DLG3: variants seen among roughly 807,000 people sequenced by gnomAD.
The protein encoded by DLG3 is disks large homolog 3.
A neutral mutation model predicts 64.1 loss-of-function variants in DLG3; 1 was observed. The observed-to-expected ratio is 0.02, with a 90% CI of 0.01 to 0.07. The LOEUF is 0.07. DLG3 is among the 10% of genes least tolerant of loss of function. DLG3 has a pLI of 1.00. For synonymous variants in DLG3, 245 were observed against 259.8 expected (o/e 0.94, Z 0.55); for missense variants, 429 against 669.5 (o/e 0.64, Z 3.96).
At chrX:70,474,863 A>C (rs1011645305) in intron 9 of DLG3, among the ~76,000 whole-genome samples, 21 of 112,494 alleles carry the variant, frequency 1.9e-4, no homozygotes, top group Non-Finnish European at 3.2e-4. Context: ...TTCTGCCTCC[A>C]CTTCAGAAAC....
intron 9 of DLG3, 60 bp downstream of exon 9, chrX:70,454,376 G>A: frequency 1.9e-6 from 2 of 1,043,192 alleles, no homozygotes; most frequent in Non-Finnish European, 2.7e-6. Flanking sequence ...ATTATGTGTT[G>A]GCTTTTTGCC....
chrX:70,484,911 G>T (rs1182804138), intron 10 of DLG3, among the ~76,000 whole-genome samples: 1 of 112,035 alleles, frequency 8.9e-6, no homozygotes, highest in Non-Finnish European at 1.9e-5. Context: ...GCCTGTCTGA[G>T]TGCTCGGGTT....
At chrX:70,500,615 C>T in intron 17 of DLG3, 35 bp downstream of exon 17, 3 of 1,059,148 alleles carry the variant, frequency 2.8e-6, no homozygotes, top group Non-Finnish European at 4.0e-6. Flanking sequence ...ACACACCAAG[C>T]TAAGATCGGG....
chrX:70,449,286 G>A, intron 2 of DLG3, 73 bp from the exon 3 acceptor site: 1 of 1,185,761 alleles, frequency 8.4e-7, no homozygotes, highest in Non-Finnish European at 1.1e-6. Flanking sequence ...GATATAAGGG[G>A]AGATGAGGTA....
chrX:70,466,627 AGG>A (rs2086892607), intron 9 of DLG3, among the ~76,000 whole-genome samples: 1 of 109,380 alleles, frequency 9.1e-6, no homozygotes, highest in African/African-American at 3.3e-5. Context: ...TTTAGTAGAG[AGG>A]GGGTTTCACC....
At chrX:70,452,682 G>C in intron 7 of DLG3, 1 of 1,202,722 alleles carries the variant, frequency 8.3e-7, no homozygotes, top group African/African-American at 1.7e-5. Context: ...CTCCGCCTCC[G>C]CTTCGGCCTG....
chrX:70,490,023 C>T (rs769583833), intron 10 of DLG3, among the ~76,000 whole-genome samples: 3 of 110,400 alleles, frequency 2.7e-5, no homozygotes, highest in South Asian at 7.9e-4. Context: ...CTACCATGCC[C>T]GGCCAATTTT....
intron 12 of DLG3, among the ~76,000 whole-genome samples, chrX:70,494,070 G>T (rs750674112): frequency 3.6e-5 from 4 of 112,287 alleles, no homozygotes; most frequent in Admixed American, 2.8e-4. Context: ...TTTCCCAGGA[G>T]AATCCTTCCT....
chrX:70,454,883 T>A lies in DLG3; in HGVS notation c.1405+567T>A, dbSNP rs1006502779. ...CCTTCTTTGTATTCTCAGTGAGCAG[T>A]CCTTGGCTGGGGCGAATGGGCGGGG... On this transcript the variant is annotated intron_variant, in intron 9 of 18. Coordinates refer to ENST00000374360, the MANE Select transcript of DLG3 (RefSeq NM_021120.4). Among the ~76,000 whole-genome samples, 4 of 112,956 alleles carry A rather than the reference T, an allele frequency of 3.5e-5. No individual in the cohort carries two copies. The East Asian group carries it at 1.1e-3, about 32-fold the overall frequency.
chrX:70,493,748 C>T (rs886389692), intron 12 of DLG3, among the ~76,000 whole-genome samples: 1 of 112,952 alleles, frequency 8.9e-6, no homozygotes, highest in African/African-American at 3.2e-5. Context: ...GTGCCTGGCA[C>T]TAGCAGTGGA....
intron 9 of DLG3, among the ~76,000 whole-genome samples, chrX:70,475,154 A>AC (rs745725403): frequency 5.1e-4 from 56 of 109,293 alleles, no homozygotes; most frequent in African/African-American, 1.4e-3. Flanking sequence ...ACATAGTGAG[A>AC]CCCCCATCTC....
At chrX:70,465,439 C>G (rs1345128318) in intron 9 of DLG3, among the ~76,000 whole-genome samples, 1 of 112,076 alleles carries the variant, frequency 8.9e-6, no homozygotes, top group Non-Finnish European at 1.9e-5. Context: ...GTTTCTAGTG[C>G]ATGTGTGTCC....
intron 9 of DLG3, among the ~76,000 whole-genome samples, chrX:70,460,282 CAA>C (rs1221573255): frequency 2.7e-3 from 105 of 38,415 alleles, no homozygotes; most frequent in African/African-American, 7.1e-3. Context: ...GACTCTGTCT[CAA>C]AAAAAAAAAA....
chrX:70,478,211 A>G (rs1455085383), intron 9 of DLG3, among the ~76,000 whole-genome samples: 1 of 112,439 alleles, frequency 8.9e-6, no homozygotes, highest in Non-Finnish European at 1.9e-5. Flanking sequence ...GTAAGTGTGA[A>G]TATTGTATTT....
intron 9 of DLG3, among the ~76,000 whole-genome samples, chrX:70,477,633 G>A (rs988918762): frequency 9.0e-6 from 1 of 111,600 alleles, no homozygotes; most frequent in African/African-American, 3.3e-5. Flanking sequence ...CGTTTAATGG[G>A]TGAGTCAGTG....
intron 9 of DLG3, among the ~76,000 whole-genome samples, chrX:70,464,266 CTCTTTCCTTTCTCTTTTCTTTT>C (rs2086852369): frequency 2.0e-5 from 2 of 98,272 alleles, no homozygotes; most frequent in Non-Finnish European, 4.1e-5. Flanking sequence ...CCTTTCCTTT[CTCTTTCCTTTCTCTTTTCTTTT>C]GTCTCACTTT....
intron 9 of DLG3, among the ~76,000 whole-genome samples, chrX:70,461,362 T>C (rs748310011): frequency 8.9e-6 from 1 of 112,212 alleles, no homozygotes; most frequent in South Asian, 3.7e-4. Context: ...TCACTTTTGT[T>C]TTGCTTCGTC....
intron 7 of DLG3, chrX:70,452,272 G>A (rs2086627116): frequency 2.3e-5 from 25 of 1,064,144 alleles, no homozygotes; most frequent in Non-Finnish European, 2.9e-5. Flanking sequence ...GTCCAAAAGT[G>A]CAGATAAAGA....
At chrX:70,483,604 T>C (rs1295571941) in intron 10 of DLG3, among the ~76,000 whole-genome samples, 1 of 112,570 alleles carries the variant, frequency 8.9e-6, no homozygotes, top group Non-Finnish European at 1.9e-5. Context: ...TTTGCAAAGC[T>C]ATTTTGAAGT....
Sources: gnomAD v4.1 joint callset for allele counts (sites outside exome capture counted in the v4.1 genomes callset) on GRCh38, gnomAD v4.1.1 for gene constraint, MANE v1.5 for transcripts, NCBI Gene and HGNC (gene_info 2026-07-23, HGNC 2026-07-21) for gene names.